Variants in ADAM20 observed in about 807,000 individuals in gnomAD.
ADAM20 encodes ADAM metallopeptidase domain 20, also known as disintegrin and metalloproteinase domain-containing protein 20.
For missense variants in ADAM20, 871 were observed against 883.2 expected, an observed-to-expected ratio of 0.99 and a Z score of 0.18; for synonymous variants, 305 against 310.2, an observed-to-expected ratio of 0.98 and a Z score of 0.18.
At position 70,522,657 on chromosome 14, in the gene ADAM20, G is replaced by A; in HGVS notation, c.2101C>T (p.Pro701Ser). 1 of 1,613,848 alleles carries A rather than the reference G, an allele frequency of 6.2e-7. No homozygotes were observed. The highest frequency in any genetic ancestry group is 8.5e-7 in the Non-Finnish European group (1 of 1,179,892). Residue 701 changes from proline (P) to serine (S), a missense_variant, in exon 2 of 2, where the codon CCT (proline) becomes TCT (serine). By Grantham distance (74) the Pro-to-Ser change is moderately conservative. Transcript: ENST00000256389. The stretch of plus-strand genomic sequence containing the variant: ...CAAAATAATAAAAAAGCAACCAAAG[G>A]AAGAAGGCACAATAGTGACAGGTAA... The part of the protein sequence containing the change: ...LRYLSLLCLL[P>S]LVAFLLFCLH...
At chr14:70,535,990 C>T (rs1168058149), upstream of ADAM20, among the ~76,000 whole-genome samples, 1 of 152,038 alleles carries the variant, frequency 6.6e-6, no homozygotes, top group East Asian at 1.9e-4. Flanking sequence ...ACTGATAGAA[C>T]AATTTAAAAA....
the ADAM20 span, among the ~76,000 whole-genome samples, chr14:70,553,546 A>C: frequency 6.7e-6 from 1 of 149,710 alleles, no homozygotes; most frequent in South Asian, 2.1e-4. Context: ...AAAAAAAAAA[A>C]AACTAGCAAA....
At chr14:70,560,520 GAAA>G in the ADAM20 span, among the ~76,000 whole-genome samples, 1 of 152,038 alleles carries the variant, frequency 6.6e-6, no homozygotes, top group African/African-American at 2.4e-5. Context: ...CAGACTCATA[GAAA>G]AAAATTATAA....
chr14:70,529,918 T>C (rs1338511967), intron 1 of ADAM20, among the ~76,000 whole-genome samples: 2 of 152,210 alleles, frequency 1.3e-5, no homozygotes, highest in African/African-American at 2.4e-5. Context: ...ACTTTTAATT[T>C]TTCAACTTCT....
the ADAM20 span, among the ~76,000 whole-genome samples, chr14:70,564,333 T>C: frequency 3.3e-5 from 5 of 152,330 alleles, no homozygotes; most frequent in Admixed American, 2.0e-4. Context: ...GTCTCATACT[T>C]AGCATTAAAA....
chr14:70,544,142 T>C, the ADAM20 span, among the ~76,000 whole-genome samples: 1 of 151,542 alleles, frequency 6.6e-6, no homozygotes, highest in Non-Finnish European at 1.5e-5. Flanking sequence ...CATAAACTTC[T>C]CCCCCACACA....
chr14:70,533,018 G>A (rs950253051), intron 1 of ADAM20, among the ~76,000 whole-genome samples: 4 of 152,182 alleles, frequency 2.6e-5, no homozygotes, highest in Middle Eastern at 3.4e-3. Flanking sequence ...TGTTCTGTAC[G>A]CTCCAAATTT....
chr14:70,535,562 T>G (rs767676451), upstream of ADAM20, among the ~76,000 whole-genome samples: 1 of 152,152 alleles, frequency 6.6e-6, no homozygotes, highest in Non-Finnish European at 1.5e-5. Context: ...CACCTCAAGC[T>G]TGAGACCTTA....
chr14:70,522,728 G>C lies in ADAM20; in HGVS notation c.2030C>G (p.Pro677Arg). ...TAATCCTTCCATGTTGTTCTTAGGA[G>C]GTGGGCCACTATCAGCACTACCTCC... ...GYGGSADSGP[P>R]PKNNMEGLNV... Residue 677 changes from proline to arginine, a missense_variant, in exon 2 of 2, where the codon CCT (proline) becomes CGT (arginine). Coordinates refer to ENST00000256389, the MANE Select transcript of ADAM20 (RefSeq NM_003814.5). The C allele has an allele frequency of 1.9e-6, 3 of 1,614,012 alleles. No individual in the cohort carries two copies. The highest frequency in any genetic ancestry group is 2.5e-6 in the Non-Finnish European group (3 of 1,179,930).
At chr14:70,530,418 T>C (rs1883686068) in intron 1 of ADAM20, among the ~76,000 whole-genome samples, 2 of 152,204 alleles carry the variant, frequency 1.3e-5, no homozygotes, top group African/African-American at 2.4e-5. Context: ...TTAAAAAATA[T>C]ATGTAGAAGT....
At chr14:70,559,695 C>T in the ADAM20 span, among the ~76,000 whole-genome samples, 1 of 152,188 alleles carries the variant, frequency 6.6e-6, no homozygotes, top group South Asian at 2.1e-4. Flanking sequence ...ATTTATTCTT[C>T]CCTTTGTTCA....
the ADAM20 span, among the ~76,000 whole-genome samples, chr14:70,578,230 T>C: frequency 2.6e-5 from 4 of 151,904 alleles, no homozygotes; most frequent in Middle Eastern, 3.4e-3. Context: ...TCAACAAAAA[T>C]AAATGCTGGG....
At chr14:70,538,340 C>T (rs1200334781), upstream of ADAM20, among the ~76,000 whole-genome samples, 2 of 152,000 alleles carry the variant, frequency 1.3e-5, no homozygotes, top group African/African-American at 2.4e-5. Flanking sequence ...CCGGAAAATC[C>T]CCCTCATTAT....
At chr14:70,535,941 T>C (rs1208771014), upstream of ADAM20, among the ~76,000 whole-genome samples, 1 of 152,156 alleles carries the variant, frequency 6.6e-6, no homozygotes, top group Non-Finnish European at 1.5e-5. Context: ...ATAGAAAACT[T>C]CAAAGTCTAC....
chr14:70,524,602 G>A lies in ADAM20; in HGVS notation c.156C>T (p.Gly52=). The A allele has an allele frequency of 6.2e-7, 1 of 1,613,988 alleles. No homozygotes were observed. The highest frequency in any genetic ancestry group is 8.5e-7 in the Non-Finnish European group (1 of 1,179,950). ...VVIPLKVISR[G]RGAKAPGWLS... is the part of the protein sequence containing the mutation. ...GCCATCCAGGAGCCTTTGCACCTCT[G>A]CCCCTGCTGATCACCTTCAAAGGGA... The change falls in exon 2 of 2, where the codon GGC becomes GGT. Residue 52 remains glycine (G), a synonymous_variant. Transcript: ENST00000256389.
chr14:70,522,909 C>G lies in ADAM20; in HGVS notation c.1849G>C (p.Glu617Gln). Residue 617 changes from glutamate to glutamine, a missense_variant, in exon 2 of 2, where the codon GAA (glutamate) becomes CAA (glutamine). Coordinates refer to ENST00000256389, the MANE Select transcript of ADAM20 (RefSeq NM_003814.5). The stretch of plus-strand genomic sequence containing the variant: ...CACTTCTTACGGATGCAGATCTTTT[C>G]TGGACCACATACTGTGCCATCTTTC... ...EVKDGTVCGP[E>Q]KICIRKKCAS... 1 of 1,614,082 alleles carries G rather than the reference C, an allele frequency of 6.2e-7. No individual in the cohort carries two copies. The highest frequency in any genetic ancestry group is 8.5e-7 in the Non-Finnish European group (1 of 1,179,964).
At chr14:70,554,066 T>G in the ADAM20 span, among the ~76,000 whole-genome samples, 3 of 152,210 alleles carry the variant, frequency 2.0e-5, no homozygotes, top group African/African-American at 7.2e-5. Flanking sequence ...CTATTAGAAC[T>G]GATAAATTTA....
In ADAM20 at chr14:70,522,526, G is replaced by T; in HGVS notation, c.*51C>A. 7.0e-7 allele frequency: 1 copy of T among 1,436,398 alleles called. No individual in the cohort carries two copies. Among genetic ancestry groups the T allele is most frequent in the Non-Finnish European group, 9.2e-7 (1 of 1,085,122 alleles). 89.0% of individuals were successfully genotyped at this position (1,436,398 alleles called of 1,614,324 possible). On this transcript the variant is annotated 3_prime_UTR_variant, in exon 2 of 2. Transcript: ENST00000256389. ...TTCATATTTTTCTATTAAAAAATTGGATATTAAAAATGAAGTATAAAGTTT... is the reference window on the plus strand; with the variant it reads ...TTCATATTTTTCTATTAAAAAATTGTATATTAAAAATGAAGTATAAAGTTT...
intron 1 of ADAM20, among the ~76,000 whole-genome samples, chr14:70,527,022 A>C (rs989589332): frequency 6.6e-6 from 1 of 152,152 alleles, no homozygotes; most frequent in Non-Finnish European, 1.5e-5. Flanking sequence ...CTGTAACCAG[A>C]GTTTATATTT....
Sources: allele counts gnomAD v4.1 joint callset (sites outside exome capture counted in the v4.1 genomes callset), GRCh38; gene constraint gnomAD v4.1.1; transcripts MANE v1.5; gene names NCBI Gene and HGNC (gene_info 2026-07-23, HGNC 2026-07-21).